The following CORIN variants were observed in gnomAD, a reference collection of about 807,000 sequenced individuals.
CORIN encodes atrial natriuretic peptide-converting enzyme.
Under a neutral mutation model 125.3 loss-of-function variants are expected in CORIN, and 117 were observed. The observed-to-expected ratio is 0.93, with a 90% CI of 0.80 to 1.09. The LOEUF (loss-of-function observed/expected upper bound fraction) is 1.09. CORIN is among the 50% of genes least tolerant of loss of function. The pLI, the probability that CORIN is intolerant of heterozygous loss-of-function variation, is 0.00. For synonymous variants in CORIN, 450 were observed against 466.4 expected (o/e 0.96, Z 0.45); for missense variants, 1,253 against 1,306.7 (o/e 0.96, Z 0.63).
intron 3 of CORIN, among the ~76,000 whole-genome samples, chr4:47,785,666 C>T (rs1730759785): frequency 1.3e-5 from 2 of 152,140 alleles, no homozygotes; most frequent in South Asian, 4.2e-4. Context: ...GTAATCCCAG[C>T]ACTTTGGGAG....
chr4:47,798,831 C>T (rs1284742286), intron 2 of CORIN, among the ~76,000 whole-genome samples: 1 of 152,014 alleles, frequency 6.6e-6, no homozygotes, highest in East Asian at 1.9e-4. Context: ...AGTTTTTCAA[C>T]CCTTGCCCTC....
chr4:47,817,618 C>G (rs1004884937), intron 1 of CORIN, among the ~76,000 whole-genome samples: 9 of 152,156 alleles, frequency 5.9e-5, no homozygotes, highest in Non-Finnish European at 4.4e-5. Flanking sequence ...CTTTGGTTCT[C>G]AAGAAGTAGA....
At chr4:47,823,971 G>A (rs1732630549) in intron 1 of CORIN, among the ~76,000 whole-genome samples, 1 of 152,126 alleles carries the variant, frequency 6.6e-6, no homozygotes, top group Admixed American at 6.5e-5. Flanking sequence ...TTGTTGATGT[G>A]GCTGACGTGC....
chr4:47,805,191 A>T (rs945287388), intron 2 of CORIN, among the ~76,000 whole-genome samples: 25 of 146,460 alleles, frequency 1.7e-4, no homozygotes, highest in African/African-American at 2.9e-4. Context: ...ATTGGATTAT[A>T]AAAAAAATAG....
At chr4:47,621,880 A>G (rs13113992) in intron 19 of CORIN, among the ~76,000 whole-genome samples, 38,799 of 148,276 alleles carry the variant, frequency 0.26, 5,254 homozygotes, top group Admixed American at 0.34. Context: ...TTAAGTTTTA[A>G]GGTACATGTG....
intron 16 of CORIN, among the ~76,000 whole-genome samples, chr4:47,627,799 A>T (rs1451622777): frequency 6.6e-6 from 1 of 152,210 alleles, no homozygotes; most frequent in Admixed American, 6.5e-5. Context: ...AGCCAAAAGA[A>T]GATAAACTTT....
intron 6 of CORIN, 97 bp from the exon 7 acceptor site, chr4:47,683,935 T>A: frequency 1.2e-6 from 1 of 833,270 alleles, no homozygotes; most frequent in Middle Eastern, 2.3e-4. Flanking sequence ...AGGGACACCC[T>A]AATGGTAACC....
intron 5 of CORIN, among the ~76,000 whole-genome samples, chr4:47,719,956 T>C (rs749367273): frequency 8.5e-5 from 13 of 152,218 alleles, no homozygotes; most frequent in Non-Finnish European, 1.6e-4. Context: ...TCACTTTTCA[T>C]TTAAAACGTT....
At chr4:47,611,953 A>T (rs755111611) in intron 19 of CORIN, among the ~76,000 whole-genome samples, 1 of 152,110 alleles carries the variant, frequency 6.6e-6, no homozygotes, top group Non-Finnish European at 1.5e-5. Flanking sequence ...GTGCTGCTGG[A>T]TTTGGTTTGC....
intron 1 of CORIN, among the ~76,000 whole-genome samples, chr4:47,808,528 A>G (rs1053958808): frequency 5.3e-5 from 8 of 152,172 alleles, no homozygotes; most frequent in African/African-American, 1.7e-4. Flanking sequence ...ATATGATGAC[A>G]CCTTCTGTAA....
intron 10 of CORIN, among the ~76,000 whole-genome samples, chr4:47,667,518 T>C (rs1290546296): frequency 6.6e-6 from 1 of 152,188 alleles, no homozygotes; most frequent in African/African-American, 2.4e-5. Context: ...AATTTAATTA[T>C]TTGACTAAGA....
At chr4:47,775,783 G>A (rs1387044458) in intron 3 of CORIN, among the ~76,000 whole-genome samples, 1 of 152,134 alleles carries the variant, frequency 6.6e-6, no homozygotes, top group Non-Finnish European at 1.5e-5. Context: ...CTCATGATTG[G>A]CTGTGATATG....
intron 5 of CORIN, among the ~76,000 whole-genome samples, chr4:47,724,108 A>C (rs542211066): frequency 1.3e-5 from 2 of 152,142 alleles, no homozygotes; most frequent in Admixed American, 6.5e-5. Flanking sequence ...TTGAACAAAG[A>C]CTTACTTTAA....
At chr4:47,647,349 C>CTT (rs1448815470) in intron 13 of CORIN, among the ~76,000 whole-genome samples, 15 of 152,124 alleles carry the variant, frequency 9.9e-5, no homozygotes, top group African/African-American at 2.9e-4. Flanking sequence ...ATACCACTTG[C>CTT]TAATAGAGAA....
chr4:47,773,035 GT>G (rs1730133222), intron 3 of CORIN, among the ~76,000 whole-genome samples: 1 of 151,874 alleles, frequency 6.6e-6, no homozygotes, highest in African/African-American at 2.4e-5. Context: ...TTTTAAAAAA[GT>G]AAGCATTTTA....
intron 3 of CORIN, among the ~76,000 whole-genome samples, chr4:47,777,024 AG>A (rs936245071): frequency 1.4e-4 from 21 of 152,300 alleles, no homozygotes; most frequent in African/African-American, 5.1e-4. Context: ...TTTGTTTCTG[AG>A]CCTGTCTTAT....
chr4:47,818,982 A>G (rs1379637133), intron 1 of CORIN, among the ~76,000 whole-genome samples: 1 of 152,222 alleles, frequency 6.6e-6, no homozygotes, highest in Non-Finnish European at 1.5e-5. Context: ...AAATTATCCA[A>G]TAATTCTTAC....
At position 47,603,546 on chromosome 4, in the gene CORIN, A is replaced by G. The variant is rs766561337; in HGVS notation, c.2663T>C (p.Val888Ala). Reference protein sequence around the residue: ...IILHPRYSRAVVDYDISIVEL... With the variant: ...IILHPRYSRAAVDYDISIVEL... ...AACGATGCTGATGTCATAGTCCACC[A>G]CTGCTCGACTGTAGCGGGGATGCAG... is the stretch of plus-strand genomic sequence containing the variant. Residue 888 changes from valine (V) to alanine (A), a missense_variant, in exon 20 of 22, where the codon GTG becomes GCG. By Grantham distance (64) the Val-to-Ala change is moderately conservative. Transcript: ENST00000273857. 7 of 1,614,030 alleles carry G rather than the reference A, an allele frequency of 4.3e-6. No homozygotes were observed. In the African/African-American group the frequency reaches 9.3e-5, roughly 22 times the overall value.
intron 19 of CORIN, among the ~76,000 whole-genome samples, chr4:47,611,222 C>T (rs1050317878): frequency 2.0e-5 from 3 of 152,212 alleles, no homozygotes; most frequent in African/African-American, 2.4e-5. Context: ...TCTTCCTATC[C>T]ATGAGCATGG....
Sources: allele counts gnomAD v4.1 joint callset (sites outside exome capture counted in the v4.1 genomes callset), GRCh38; gene constraint gnomAD v4.1.1; transcripts MANE v1.5; gene names NCBI Gene and HGNC (gene_info 2026-07-23, HGNC 2026-07-21).